Variants in TAFA1 observed in about 807,000 individuals in gnomAD.
TAFA1 encodes TAFA chemokine like family member 1, also known as chemokine-like protein TAFA-1.
TAFA1 carries 4 observed loss-of-function variants against 18.5 expected under a neutral mutation model. The ratio of observed to expected loss-of-function variants is 0.22; its 90% CI spans 0.11 to 0.49. The LOEUF is 0.49. TAFA1 is among the 20% of genes least tolerant of loss of function. The pLI, the probability that TAFA1 is intolerant of heterozygous loss-of-function variation, is 0.98. For synonymous variants in TAFA1, 56 were observed against 55.2 expected, an observed-to-expected ratio of 1.01 and a Z score of -0.06; for missense variants, 147 against 169.0, an observed-to-expected ratio of 0.87 and a Z score of 0.72.
intron 2 of TAFA1, among the ~76,000 whole-genome samples, chr3:68,064,169 G>T (rs1252271995): frequency 6.6e-6 from 1 of 152,174 alleles, no homozygotes. Context: ...AGGTAAAAAC[G>T]TGATGAGGTG....
At chr3:68,195,231 C>G (rs1186701525) in intron 2 of TAFA1, among the ~76,000 whole-genome samples, 1 of 150,658 alleles carries the variant, frequency 6.6e-6, no homozygotes, top group Non-Finnish European at 1.5e-5. Context: ...TAAATTACTA[C>G]TTAAAATGCT....
chr3:68,473,277 T>C (rs1157049021), intron 3 of TAFA1, among the ~76,000 whole-genome samples: 1 of 152,186 alleles, frequency 6.6e-6, no homozygotes, highest in Admixed American at 6.6e-5. Context: ...AATAGGATTC[T>C]AGGATATACA....
chr3:68,292,720 T>C (rs2068133004), intron 2 of TAFA1, among the ~76,000 whole-genome samples: 1 of 152,120 alleles, frequency 6.6e-6, no homozygotes, highest in Admixed American at 6.6e-5. Context: ...TTGTTTTAAC[T>C]TTTTGGTAGA....
intron 2 of TAFA1, among the ~76,000 whole-genome samples, chr3:68,074,348 G>A (rs980294136): frequency 1.3e-5 from 2 of 152,114 alleles, no homozygotes; most frequent in African/African-American, 2.4e-5. Context: ...GTACTGGTCC[G>A]TGGTCTGGGG....
chr3:68,140,295 C>T (rs1284523657), intron 2 of TAFA1, among the ~76,000 whole-genome samples: 2 of 152,138 alleles, frequency 1.3e-5, no homozygotes, highest in African/African-American at 4.8e-5. Context: ...GTGATCTGCT[C>T]CCAAAACTCC....
At chr3:68,106,142 C>T (rs2065200653) in intron 2 of TAFA1, among the ~76,000 whole-genome samples, 1 of 151,592 alleles carries the variant, frequency 6.6e-6, no homozygotes, top group Non-Finnish European at 1.5e-5. Context: ...GTTACTGGGA[C>T]AATTTGGAAT....
At chr3:68,474,938 T>C (rs771109699) in intron 3 of TAFA1, among the ~76,000 whole-genome samples, 1 of 152,134 alleles carries the variant, frequency 6.6e-6, no homozygotes, top group East Asian at 1.9e-4. Flanking sequence ...TCCTATTTTA[T>C]ATTACAAAAG....
At chr3:68,011,760 C>T (rs1277102883) in intron 2 of TAFA1, among the ~76,000 whole-genome samples, 1 of 152,172 alleles carries the variant, frequency 6.6e-6, no homozygotes, top group African/African-American at 2.4e-5. Flanking sequence ...TCGGTGCAAG[C>T]TGGTGCTTAG....
chr3:68,118,379 A>G (rs1019154709), intron 2 of TAFA1, among the ~76,000 whole-genome samples: 7 of 152,100 alleles, frequency 4.6e-5, no homozygotes, highest in African/African-American at 1.4e-4. Context: ...AACCATGGGG[A>G]ACAGCTATAA....
chr3:68,207,267 G>A (rs985128891), intron 2 of TAFA1, among the ~76,000 whole-genome samples: 3 of 151,846 alleles, frequency 2.0e-5, no homozygotes, highest in African/African-American at 7.3e-5. Context: ...TCTTGAAGCA[G>A]AGCCTCAAGA....
intron 3 of TAFA1, among the ~76,000 whole-genome samples, chr3:68,493,208 C>G (rs2072485309): frequency 6.6e-6 from 1 of 152,136 alleles, no homozygotes; most frequent in Non-Finnish European, 1.5e-5. Context: ...AACTTGACTA[C>G]TGAAAGTAGT....
At chr3:68,381,821 A>G (rs541405934) in intron 2 of TAFA1, among the ~76,000 whole-genome samples, 1 of 152,180 alleles carries the variant, frequency 6.6e-6, no homozygotes, top group East Asian at 1.9e-4. Context: ...AATAGGAGTG[A>G]TGAGAGAGGG....
At chr3:68,452,541 A>AAG (rs10689603) in intron 3 of TAFA1, among the ~76,000 whole-genome samples, 44 of 150,870 alleles carry the variant, frequency 2.9e-4, no homozygotes, top group African/African-American at 1.0e-3. Flanking sequence ...AAAAAAAAAA[A>AAG]CTAGCAAACA....
intron 2 of TAFA1, among the ~76,000 whole-genome samples, chr3:68,348,368 C>T (rs1293568107): frequency 2.0e-5 from 3 of 152,092 alleles, no homozygotes; most frequent in Non-Finnish European, 4.4e-5. Context: ...TTCATAAATT[C>T]CAAGCCAGAG....
At chr3:68,249,053 T>G (rs1278733104) in intron 2 of TAFA1, among the ~76,000 whole-genome samples, 1 of 152,088 alleles carries the variant, frequency 6.6e-6, no homozygotes, top group Non-Finnish European at 1.5e-5. Context: ...CTTCAGCCTC[T>G]TGAACCTGGT....
At chr3:68,283,133 T>A (rs929002216) in intron 2 of TAFA1, among the ~76,000 whole-genome samples, 2 of 152,232 alleles carry the variant, frequency 1.3e-5, no homozygotes, top group African/African-American at 2.4e-5. Flanking sequence ...ATTTGCTTTA[T>A]GATAATAGAG....
chr3:68,115,127 A>G (rs1199606301), intron 2 of TAFA1, among the ~76,000 whole-genome samples: 1 of 152,164 alleles, frequency 6.6e-6, no homozygotes, highest in Non-Finnish European at 1.5e-5. Flanking sequence ...TTGGGAAGGG[A>G]CAGCCAGGAG....
At chr3:68,085,480 G>A (rs1003549477) in intron 2 of TAFA1, among the ~76,000 whole-genome samples, 1 of 152,160 alleles carries the variant, frequency 6.6e-6, no homozygotes, top group African/African-American at 2.4e-5. Flanking sequence ...ATTAGAGTGG[G>A]CATTTCAGTG....
rs139674821 is a variant in TAFA1, at chr3:68,051,403, C to T, written c.118+44659C>T. Among the ~76,000 whole-genome samples the T allele has an allele frequency of 2.3e-3, 349 of 152,158 alleles. 4 individuals carry two copies. Among genetic ancestry groups the T allele is most frequent in the African/African-American group, 8.2e-3 (339 of 41,506 alleles). ...ATAACCTATTAGAACTGCATGGATT[C>T]GGATCAGTGGTTATTAACCAGGGGC... is the stretch of plus-strand genomic sequence containing the variant. On this transcript the variant is annotated intron_variant, in intron 2 of 4. Coordinates refer to ENST00000478136, the MANE Select transcript of TAFA1 (RefSeq NM_213609.4).
Sources: allele counts gnomAD v4.1 joint callset (sites outside exome capture counted in the v4.1 genomes callset), GRCh38; gene constraint gnomAD v4.1.1; transcripts MANE v1.5; gene names NCBI Gene and HGNC (gene_info 2026-07-23, HGNC 2026-07-21).